Variants in CDC5L observed in about 807,000 individuals in gnomAD.
The protein encoded by CDC5L is cell division cycle 5-like protein.
Under a neutral mutation model 104.1 loss-of-function variants are expected in CDC5L, and 18 were observed. That is an observed-to-expected ratio of 0.17 (90% confidence interval 0.12 to 0.26). The LOEUF is 0.26. Among genes scored for constraint, CDC5L ranks in the 10% least tolerant of loss-of-function variants. The pLI is 1.00. For synonymous variants in CDC5L, 331 were observed against 322.7 expected (o/e 1.03, Z -0.28); for missense variants, 673 against 956.9 (o/e 0.70, Z 3.91).
chr6:44,399,844 G>A (rs143730205), intron 5 of CDC5L, among the ~76,000 whole-genome samples: 1,791 of 151,978 alleles, frequency 0.012, 18 homozygotes, highest in Middle Eastern at 0.054. Context: ...TAGTAGAGAC[G>A]GTTTCACCAT....
At chr6:44,403,405 T>A (rs1791222960) in intron 5 of CDC5L, among the ~76,000 whole-genome samples, 2 of 152,250 alleles carry the variant, frequency 1.3e-5, no homozygotes, top group Admixed American at 1.3e-4. Flanking sequence ...TTTCCTACTA[T>A]TTGCCTTTTA....
chr6:44,410,925 T>C (rs1450634932), intron 8 of CDC5L, among the ~76,000 whole-genome samples: 2 of 152,038 alleles, frequency 1.3e-5, no homozygotes, highest in Non-Finnish European at 2.9e-5. Context: ...GTAGGAGGTT[T>C]TCTCAATTTT....
At position 44,401,326 on chromosome 6, in the gene CDC5L, C is replaced by T. The variant is rs555077472; in HGVS notation, c.540-2483C>T. Among the ~76,000 whole-genome samples the T allele has an allele frequency of 3.8e-3, 565 of 149,006 alleles. 1 individual carries two copies. The highest frequency in any genetic ancestry group is 0.013 in the African/African-American group (527 of 40,432). On this transcript the variant is annotated intron_variant, in intron 5 of 15. Transcript: ENST00000371477. Reference sequence around the variant, plus strand: ...GCCCTCCCCGTCCGTCCGCCCGCAGCGTGGAGCCCTCATCTCATAAGCCAG... The same window carrying T: ...GCCCTCCCCGTCCGTCCGCCCGCAGTGTGGAGCCCTCATCTCATAAGCCAG...
chr6:44,422,616 C>G, intron 9 of CDC5L, 31 bp from the exon 10 acceptor site: 1 of 1,451,040 alleles, frequency 6.9e-7, no homozygotes, highest in Non-Finnish European at 9.2e-7. Flanking sequence ...GTAAGTGGCA[C>G]TTCTGTTAAT....
At chr6:44,404,854 G>A (rs1345541900) in intron 6 of CDC5L, among the ~76,000 whole-genome samples, 1 of 151,970 alleles carries the variant, frequency 6.6e-6, no homozygotes, top group Non-Finnish European at 1.5e-5. Context: ...CACCATGACT[G>A]GCTAATTTTT....
At chr6:44,438,873 T>C (rs1793056690) in intron 14 of CDC5L, among the ~76,000 whole-genome samples, 1 of 152,130 alleles carries the variant, frequency 6.6e-6, no homozygotes. Context: ...TACTGAGATA[T>C]AAATTACATA....
intron 15 of CDC5L, among the ~76,000 whole-genome samples, chr6:44,446,299 A>G (rs983024223): frequency 1.2e-4 from 19 of 152,214 alleles, no homozygotes; most frequent in African/African-American, 4.6e-4. Flanking sequence ...TTATCTCCCA[A>G]ATGTGCATAA....
At chr6:44,393,084 T>A (rs997833445) in intron 3 of CDC5L, among the ~76,000 whole-genome samples, 1 of 148,862 alleles carries the variant, frequency 6.7e-6, no homozygotes, top group African/African-American at 2.5e-5. Flanking sequence ...GGGGAAAAAA[T>A]AGTAAAAGAG....
intron 8 of CDC5L, among the ~76,000 whole-genome samples, chr6:44,418,482 C>T (rs1792002871): frequency 6.6e-6 from 1 of 152,174 alleles, no homozygotes; most frequent in African/African-American, 2.4e-5. Context: ...TTTATAGCAG[C>T]ATGATTTATA....
intron 5 of CDC5L, among the ~76,000 whole-genome samples, chr6:44,399,522 A>G (rs888206260): frequency 3.3e-5 from 5 of 152,034 alleles, no homozygotes; most frequent in Non-Finnish European, 2.9e-5. Context: ...GGCTCTATTC[A>G]TGTTCTTCAT....
intron 11 of CDC5L, 47 bp from the exon 12 acceptor site, chr6:44,426,056 T>G: frequency 7.8e-7 from 1 of 1,280,976 alleles, no homozygotes; most frequent in South Asian, 1.3e-5. Flanking sequence ...CTGAGAGATA[T>G]CAAATACGCT....
In CDC5L at chr6:44,403,919, A is replaced by G. The variant is rs549734666; in HGVS notation, c.650A>G (p.Glu217Gly). 1.2e-6 allele frequency: 2 copies of G among 1,613,352 alleles called. No individual in the cohort carries two copies. The highest frequency in any genetic ancestry group is 8.5e-7 in the Non-Finnish European group (1 of 1,179,564). ...GVDYNAEIPF[E>G]KKPALGFYDT... Reference sequence around the variant, plus strand: ...GATTATAATGCCGAAATCCCATTTGAAAAAAAGCCTGCCCTTGGTTTTTAT... The same window carrying G: ...GATTATAATGCCGAAATCCCATTTGGAAAAAAGCCTGCCCTTGGTTTTTAT... Residue 217 changes from glutamate (E) to glycine (G), a missense_variant, in exon 6 of 16, where the codon GAA becomes GGA. Coordinates refer to ENST00000371477, the MANE Select transcript of CDC5L (RefSeq NM_001253.4).
At position 44,396,240 on chromosome 6, in the gene CDC5L, T is replaced by G; in HGVS notation, c.440-101T>G. ...ACCATAAAATCAGTATTTTTATGTTTTTTTCTCATTTTGAGCAATAGAGTG... is the reference window on the plus strand; with the variant it reads ...ACCATAAAATCAGTATTTTTATGTTGTTTTCTCATTTTGAGCAATAGAGTG... On this transcript the variant is annotated intron_variant, in intron 4 of 15. Coordinates refer to ENST00000371477, the MANE Select transcript of CDC5L (RefSeq NM_001253.4). 6.2e-6 allele frequency: 4 copies of G among 641,426 alleles called. No homozygotes were observed. In the South Asian group the frequency reaches 8.8e-5, roughly 14 times the overall value. The allele number at this position is 641,426 out of a possible 1,614,324, so 39.7% of individuals were successfully genotyped here. A position where few individuals can be genotyped will look rare whatever the true frequency, so the allele number is the denominator to read the frequency against.
chr6:44,408,403 C>T, intron 7 of CDC5L, 41 bp from the exon 8 acceptor site: 2 of 1,499,092 alleles, frequency 1.3e-6, no homozygotes, highest in Non-Finnish European at 1.8e-6. Flanking sequence ...TGCCCGGCCT[C>T]AGTTAAAATG....
chr6:44,429,767 G>A lies in CDC5L; in HGVS notation c.1948G>A (p.Gly650Arg). Reference protein sequence around the residue: ...MEVVKQGMSHGELSSEAYNQV... With the variant: ...MEVVKQGMSHRELSSEAYNQV... ...AGTGGTTAAACAAGGAATGAGCCAT[G>A]GAGAGCTCTCAAGTGAAGCTTATAA... Residue 650 changes from glycine to arginine, a missense_variant, in exon 14 of 16, where the codon GGA becomes AGA. Physicochemically the swap from Gly to Arg is moderately radical, Grantham distance 125. This residue lies in a region of CDC5L where 578 missense variants were observed against 737.0 expected (regional missense o/e 0.78). Transcript: ENST00000371477. 1 of 1,614,114 alleles carries A rather than the reference G, an allele frequency of 6.2e-7. No homozygotes were observed. The highest frequency in any genetic ancestry group is 8.5e-7 in the Non-Finnish European group (1 of 1,179,974).
chr6:44,440,486 G>A (rs1793132705), intron 14 of CDC5L, among the ~76,000 whole-genome samples: 1 of 151,926 alleles, frequency 6.6e-6, no homozygotes, highest in African/African-American at 2.4e-5. Flanking sequence ...CAGGTGATCT[G>A]CCCACCGTGG....
chr6:44,422,904 A>G (rs2153381222), intron 10 of CDC5L, 95 bp downstream of exon 10: 1 of 692,684 alleles, frequency 1.4e-6, no homozygotes, highest in Non-Finnish European at 2.4e-6. Context: ...TATCACATAT[A>G]CCTTAAGAAT....
chr6:44,444,597 A>G (rs545247311), intron 14 of CDC5L, among the ~76,000 whole-genome samples: 3 of 152,272 alleles, frequency 2.0e-5, no homozygotes, highest in African/African-American at 7.2e-5. Context: ...AGCGACTGGA[A>G]GAGTATGCAG....
chr6:44,396,244 T>C, intron 4 of CDC5L, 97 bp from the exon 5 acceptor site: 1 of 658,146 alleles, frequency 1.5e-6, no homozygotes, highest in Non-Finnish European at 2.5e-6. Context: ...TATGTTTTTT[T>C]CTCATTTTGA....
Sources: gnomAD v4.1 joint callset for allele counts (sites outside exome capture counted in the v4.1 genomes callset) on GRCh38, gnomAD v4.1.1 for gene constraint, gnomAD v4.1.1 regional missense constraint, MANE v1.5 for transcripts, NCBI Gene and HGNC (gene_info 2026-07-23, HGNC 2026-07-21) for gene names.